Variants in CATSPERT observed in about 807,000 individuals in gnomAD.
CATSPERT encodes the protein catsper channel auxiliary subunit tau, also known as cation channel sperm-associated targeting subunit tau.
At chr2:201,527,066 G>T in the CATSPERT span, among the ~76,000 whole-genome samples, 1 of 152,116 alleles carries the variant, frequency 6.6e-6, no homozygotes, top group Admixed American at 6.5e-5. Flanking sequence ...GCAGTTTCAG[G>T]ATGCAAAAAT....
the CATSPERT span, among the ~76,000 whole-genome samples, chr2:201,512,493 T>C: frequency 6.6e-6 from 1 of 152,238 alleles, no homozygotes; most frequent in Admixed American, 6.5e-5. Context: ...TCATTTTTTA[T>C]AATTTTGTCA....
chr2:201,581,593 T>TACAC, the CATSPERT span, among the ~76,000 whole-genome samples: 1 of 30,776 alleles, frequency 3.2e-5, no homozygotes, highest in East Asian at 2.2e-3. Flanking sequence ...TATATATATA[T>TACAC]ACACATACAT....
At chr2:201,524,455 C>T in the CATSPERT span, among the ~76,000 whole-genome samples, 1 of 152,096 alleles carries the variant, frequency 6.6e-6, no homozygotes, top group South Asian at 2.1e-4. Flanking sequence ...AACTGCCTTA[C>T]AAGAAGGCAG....
chr2:201,556,872 C>CA, the CATSPERT span: 1 of 150,680 alleles, frequency 6.6e-6, no homozygotes, highest in African/African-American at 2.4e-5. Flanking sequence ...TAAATAAAAG[C>CA]AAAAAAAGAA....
chr2:201,521,216 A>G, the CATSPERT span, among the ~76,000 whole-genome samples: 1 of 152,218 alleles, frequency 6.6e-6, no homozygotes, highest in African/African-American at 2.4e-5. Context: ...CAAAAAATTG[A>G]AGCAGATAAA....
chr2:201,495,261 A>G, the CATSPERT span, among the ~76,000 whole-genome samples: 1 of 152,048 alleles, frequency 6.6e-6, no homozygotes, highest in African/African-American at 2.4e-5. Flanking sequence ...TATATCATCT[A>G]CCTTTAAGTC....
At chr2:201,498,938 A>G in the CATSPERT span, among the ~76,000 whole-genome samples, 1 of 134,974 alleles carries the variant, frequency 7.4e-6, no homozygotes, top group Non-Finnish European at 1.7e-5. Context: ...CACACTTCCA[A>G]ATTAGATACC....
the CATSPERT span, among the ~76,000 whole-genome samples, chr2:201,572,677 G>T: frequency 6.6e-6 from 1 of 151,810 alleles, no homozygotes; most frequent in East Asian, 1.9e-4. Context: ...GTCACAAAAG[G>T]AGTAAACAAT....
chr2:201,612,906 C>A, the CATSPERT span, among the ~76,000 whole-genome samples: 3 of 152,186 alleles, frequency 2.0e-5, no homozygotes, highest in Non-Finnish European at 4.4e-5. Context: ...ACATTATATC[C>A]CATGCCTGGC....
the CATSPERT span, among the ~76,000 whole-genome samples, chr2:201,537,237 A>G: frequency 6.6e-6 from 1 of 151,864 alleles, no homozygotes; most frequent in Non-Finnish European, 1.5e-5. Context: ...CCCTATCTTC[A>G]TATTTTTAAA....
At chr2:201,537,405 C>G in the CATSPERT span, 1 of 1,528,898 alleles carries the variant, frequency 6.5e-7, no homozygotes, top group Non-Finnish European at 8.9e-7. Flanking sequence ...AAAATAATGA[C>G]TATTAAAAGT....
At chr2:201,518,742 C>T in the CATSPERT span, among the ~76,000 whole-genome samples, 46 of 152,304 alleles carry the variant, frequency 3.0e-4, no homozygotes, top group South Asian at 9.5e-3. Flanking sequence ...TCTCCAGCTC[C>T]ATTAGCAAAT....
At chr2:201,557,730 C>T in the CATSPERT span, 1 of 152,186 alleles carries the variant, frequency 6.6e-6, no homozygotes, top group African/African-American at 2.4e-5. Context: ...ACACTTTATT[C>T]TCAGCAATTT....
At chr2:201,563,654 A>G in the CATSPERT span, among the ~76,000 whole-genome samples, 2 of 152,098 alleles carry the variant, frequency 1.3e-5, no homozygotes, top group African/African-American at 4.8e-5. Context: ...TTAATTTATA[A>G]TTTACTTGTT....
chr2:201,509,311 A>AT, the CATSPERT span, among the ~76,000 whole-genome samples: 2 of 150,870 alleles, frequency 1.3e-5, no homozygotes, highest in Non-Finnish European at 2.9e-5. Flanking sequence ...AGAACTCTCC[A>AT]TTTTTTAACT....
the CATSPERT span, chr2:201,536,075 T>A: frequency 6.2e-7 from 1 of 1,613,360 alleles, no homozygotes; most frequent in South Asian, 1.1e-5. Flanking sequence ...CTTTTAATTT[T>A]ACTTCTAATG....
chr2:201,488,949 A>G, the CATSPERT span, among the ~76,000 whole-genome samples: 4 of 152,224 alleles, frequency 2.6e-5, no homozygotes, highest in Non-Finnish European at 4.4e-5. Flanking sequence ...AGTGAGTAAC[A>G]CATAATTTTC....
chr2:201,601,594 A>T, the CATSPERT span: 1 of 706,818 alleles, frequency 1.4e-6, no homozygotes. Flanking sequence ...ATGGTATAGA[A>T]ATAGAATACT....
the CATSPERT span, among the ~76,000 whole-genome samples, chr2:201,519,180 A>G: frequency 6.6e-6 from 1 of 152,106 alleles, no homozygotes; most frequent in Non-Finnish European, 1.5e-5. Flanking sequence ...GTAGGAAGAA[A>G]CTTTGCCCAC....
Sources: gnomAD v4.1 joint callset for allele counts (sites outside exome capture counted in the v4.1 genomes callset) on GRCh38, gnomAD v4.1.1 for gene constraint, MANE v1.5 for transcripts, NCBI Gene and HGNC (gene_info 2026-07-23, HGNC 2026-07-21) for gene names.